Variants in HBP1 observed in about 807,000 individuals in gnomAD.
The protein encoded by HBP1 is HMG box-containing protein 1.
A neutral mutation model predicts 62.6 loss-of-function variants in HBP1; 20 were observed. The observed-to-expected ratio is 0.32, with a 90% CI of 0.22 to 0.46. The LOEUF (loss-of-function observed/expected upper bound fraction) is 0.46. HBP1 is among the 20% of genes least tolerant of loss of function. The pLI is 1.00. For missense variants in HBP1, 480 were observed against 611.8 expected (o/e 0.78, Z 2.27); for synonymous variants, 232 against 206.2 (o/e 1.12, Z -1.07).
intron 3 of HBP1, among the ~76,000 whole-genome samples, chr7:107,184,690 T>C (rs543145094): frequency 1.4e-4 from 22 of 152,304 alleles, no homozygotes; most frequent in African/African-American, 5.1e-4. Context: ...TTTTGTATTT[T>C]AAGTAGAGAT....
intron 1 of HBP1, among the ~76,000 whole-genome samples, chr7:107,175,716 CTT>C (rs1215594002): frequency 4.4e-5 from 6 of 136,462 alleles, no homozygotes; most frequent in Admixed American, 1.5e-4. Context: ...TCCCTCTCTT[CTT>C]TTTTTTTTTT....
At chr7:107,173,143 A>G (rs1562883633) in intron 1 of HBP1, among the ~76,000 whole-genome samples, 1 of 152,188 alleles carries the variant, frequency 6.6e-6, no homozygotes, top group Admixed American at 6.5e-5. Flanking sequence ...TTTGGTATAG[A>G]AAGTTGCATT....
In HBP1 at chr7:107,189,369, T is replaced by G. The variant is rs777336147; in HGVS notation, c.843T>G (p.Thr281=). Residue 281 remains threonine, a synonymous_variant, in exon 7 of 11, where the codon ACT becomes ACG. Coordinates refer to ENST00000222574, the MANE Select transcript of HBP1 (RefSeq NM_012257.4). ...TTGGCGAGTCTGTACTGAAGTTGAC[T>G]TTTGATCCTGGTACAGTAGAAGATG... ...VSFGESVLKL[T]FDPGTVEDGL... 1 of 1,612,604 alleles carries G rather than the reference T, an allele frequency of 6.2e-7. No homozygotes were observed. The highest frequency in any genetic ancestry group is 8.5e-7 in the Non-Finnish European group (1 of 1,178,762).
In HBP1 at chr7:107,186,069, G is replaced by A. The variant is rs2115894505; in HGVS notation, c.540+127G>A. ...TGGATTTGATTTTATATACAGCTCT[G>A]CTATGTGTTAGGAAAGCTTATTATT... On this transcript the variant is annotated intron_variant, in intron 4 of 10. Transcript: ENST00000222574. 1.4e-5 allele frequency: 10 copies of A among 690,550 alleles called. 1 individual carries two copies. The East Asian group carries it at 2.4e-4, about 17-fold the overall frequency. 42.8% of individuals were successfully genotyped at this position (690,550 alleles called of 1,614,324 possible). A position where few individuals can be genotyped will look rare whatever the true frequency, so the allele number is the denominator to read the frequency against.
At chr7:107,179,340 A>G (rs544998160) in intron 1 of HBP1, among the ~76,000 whole-genome samples, 2 of 152,282 alleles carry the variant, frequency 1.3e-5, no homozygotes, top group African/African-American at 4.8e-5. Context: ...ACTTTTTTTT[A>G]TAATTCAAGA....
chr7:107,181,438 C>T lies in HBP1; in HGVS notation c.170-935C>T, dbSNP rs2115852951. 2.0e-5 allele frequency among the ~76,000 whole-genome samples: 3 copies of T among 152,024 alleles called. 1 individual carries two copies. In the East Asian group the frequency reaches 5.8e-4, roughly 29 times the overall value. On this transcript the variant is annotated intron_variant, in intron 2 of 10. Transcript: ENST00000222574. ...AGTGAGCTATAATTGTACCACTGCA[C>T]TCCAGCCTGGGCAACAGAGTAAGAC...
chr7:107,180,067 G>A lies in HBP1; in HGVS notation c.169+5G>A. On this transcript the variant is annotated splice_donor_5th_base_variant and intron_variant, in intron 2 of 10. Transcript: ENST00000222574. ...GTGATGAACACATGGAGCTTGGTAA[G>A]CAAAATTAAAAGTTATATAGAAATC... The A allele has an allele frequency of 6.5e-7, 1 of 1,543,584 alleles. No individual in the cohort carries two copies. Among genetic ancestry groups the A allele is most frequent in the South Asian group, 1.2e-5 (1 of 84,226 alleles).
At chr7:107,180,665 A>G (rs1323245526) in intron 2 of HBP1, among the ~76,000 whole-genome samples, 1 of 152,182 alleles carries the variant, frequency 6.6e-6, no homozygotes, top group African/African-American at 2.4e-5. Context: ...TCATGTTTAT[A>G]AAAACCCTGG....
In HBP1 at chr7:107,169,160, C is replaced by T. The variant is rs1486162904; in HGVS notation, c.-41C>T. ...GTTGTCGTGGCCGGAGCGGCCCGCGCCTGGGCTGCCGGCACTTCGCGGCAG... is the reference window on the plus strand; with the variant it reads ...GTTGTCGTGGCCGGAGCGGCCCGCGTCTGGGCTGCCGGCACTTCGCGGCAG... On this transcript the variant is annotated 5_prime_UTR_variant, in exon 1 of 11. Transcript: ENST00000222574. The T allele has an allele frequency of 8.8e-7, 1 of 1,137,950 alleles. No homozygotes were observed. The highest frequency in any genetic ancestry group is 1.1e-6 in the Non-Finnish European group (1 of 908,014). The allele number at this position is 1,137,950 out of a possible 1,614,324, so 70.5% of individuals were successfully genotyped here.
intron 3 of HBP1, among the ~76,000 whole-genome samples, chr7:107,183,855 C>G (rs1482204400): frequency 6.6e-6 from 1 of 152,196 alleles, no homozygotes; most frequent in African/African-American, 2.4e-5. Flanking sequence ...GGCCTACCTC[C>G]TAACACTGTC....
rs1188082074 is a variant in HBP1, at chr7:107,190,277, A to T, written c.1027A>T (p.Ile343Phe). 1 of 1,611,026 alleles carries T rather than the reference A, an allele frequency of 6.2e-7. No individual in the cohort carries two copies. Among genetic ancestry groups the T allele is most frequent in the Admixed American group, 1.7e-5 (1 of 59,818 alleles). The change falls in exon 8 of 11, where the codon ATT (isoleucine) becomes TTT (phenylalanine). Residue 343 changes from isoleucine to phenylalanine, a missense_variant. Physicochemically the swap from Ile to Phe is conservative, Grantham distance 21 (BLOSUM62 0). Transcript: ENST00000222574. ...TCTACCTCCTGGACACCCCGATGCC[A>T]TTAATTTTGATGATTCAGGTGTTTT... ...VCLPPGHPDA[I>F]NFDDSGVFDT...
chr7:107,199,252 A>AT (rs1798083018), intron 9 of HBP1, among the ~76,000 whole-genome samples: 1 of 151,956 alleles, frequency 6.6e-6, no homozygotes, highest in Non-Finnish European at 1.5e-5. Context: ...CACCTGGCAA[A>AT]TAGTAGAGAT....
chr7:107,185,925 C>T lies in HBP1; in HGVS notation c.523C>T (p.Pro175Ser), dbSNP rs780296098. ...TCATCACCATTGGAAGGAGGAAACA[C>T]CAGTAAGACACGAAAGGGTAAGTTT... The part of the protein sequence containing the change: ...FPHHHWKEET[P>S]VRHERANSES... The change falls in exon 4 of 11, where the codon CCA (proline) becomes TCA (serine). Residue 175 changes from proline to serine, a missense_variant. By Grantham distance (74) the Pro-to-Ser change is moderately conservative (BLOSUM62 -1). This residue lies in a region of HBP1 where 304 missense variants were observed against 330.9 expected (regional missense o/e 0.92). Coordinates refer to ENST00000222574, the MANE Select transcript of HBP1 (RefSeq NM_012257.4). The T allele has an allele frequency of 1.0e-4, 168 of 1,612,614 alleles. 1 individual carries two copies. Among genetic ancestry groups the T allele is most frequent in the Middle Eastern group, 4.9e-4 (3 of 6,078 alleles).
chr7:107,173,085 T>G (rs1170248392), intron 1 of HBP1, among the ~76,000 whole-genome samples: 5 of 152,216 alleles, frequency 3.3e-5, no homozygotes, highest in Non-Finnish European at 5.9e-5. Flanking sequence ...CTTTTGAAGT[T>G]TTGTTGAAAA....
At chr7:107,174,574 A>C (rs543439991) in intron 1 of HBP1, 1 of 985,382 alleles carries the variant, frequency 1.0e-6, no homozygotes, top group South Asian at 4.7e-5. Context: ...GGGAAGAAAA[A>C]AGTTCTAGCT....
intron 8 of HBP1, 113 bp from the exon 9 acceptor site, chr7:107,195,721 A>G (rs1320804176): frequency 5.9e-6 from 3 of 512,480 alleles, no homozygotes; most frequent in Non-Finnish European, 9.6e-6. Flanking sequence ...ATAGGGGGAA[A>G]TGCACTGAAA....
chr7:107,179,780 AAC>A, intron 1 of HBP1, 97 bp from the exon 2 acceptor site: 4 of 762,054 alleles, frequency 5.2e-6, no homozygotes, highest in Non-Finnish European at 6.3e-6. Flanking sequence ...TCAAAAAAAA[AAC>A]AAAACAACAT....
rs540359665 is a variant in HBP1 at position 107,174,535 on chromosome 7, G to C, written c.-15-5344G>C. On this transcript the variant is annotated intron_variant, in intron 1 of 10. Transcript: ENST00000222574. ...GAGACGTTAGTGTACTATACTTGGT[G>C]AATGTTGGAAACTGCAGGACCTGCT... 26 of 985,278 alleles carry C rather than the reference G, an allele frequency of 2.6e-5. No homozygotes were observed. In the South Asian group the frequency reaches 5.6e-4, roughly 21 times the overall value. The allele number at this position is 985,278 out of a possible 1,614,324, so 61.0% of individuals were successfully genotyped here. A position where few individuals can be genotyped will look rare whatever the true frequency, so the allele number is the denominator to read the frequency against.
intron 5 of HBP1, 33 bp from the exon 6 acceptor site, chr7:107,186,536 G>A (rs752991070): frequency 2.6e-6 from 4 of 1,555,458 alleles, no homozygotes; most frequent in East Asian, 4.5e-5. Flanking sequence ...GTACAGTCAC[G>A]TGTCTAATAC....
Sources: gnomAD v4.1 joint callset for allele counts (sites outside exome capture counted in the v4.1 genomes callset) on GRCh38, gnomAD v4.1.1 for gene constraint, gnomAD v4.1.1 regional missense constraint, MANE v1.5 for transcripts, NCBI Gene and HGNC (gene_info 2026-07-23, HGNC 2026-07-21) for gene names.